REV1: variants seen among roughly 807,000 people sequenced by gnomAD.
The protein encoded by REV1 is REV1 DNA directed polymerase.
In REV1, 42 loss-of-function variants were observed where a neutral mutation model predicts 137.4. The observed-to-expected ratio is 0.31, with a 90% confidence interval of 0.24 to 0.40. The LOEUF (loss-of-function observed/expected upper bound fraction) is 0.40, where lower values mean the gene tolerates loss of function less well. Among genes scored for constraint, REV1 ranks in the 10% least tolerant of loss-of-function variants. The pLI, the probability that REV1 is intolerant of heterozygous loss-of-function variation, is 1.00. For missense variants in REV1, 1,282 were observed against 1,490.1 expected (o/e 0.86, Z 2.30); for synonymous variants, 524 against 519.2 (o/e 1.01, Z -0.12).
intron 8 of REV1, among the ~76,000 whole-genome samples, chr2:99,430,844 A>G (rs1269949015): frequency 6.6e-6 from 1 of 152,208 alleles, no homozygotes. Context: ...AGGTTCCAGG[A>G]AGAGTATGCT....
At chr2:99,455,924 C>T (rs1395906520) in intron 3 of REV1, among the ~76,000 whole-genome samples, 1 of 152,078 alleles carries the variant, frequency 6.6e-6, no homozygotes, top group Non-Finnish European at 1.5e-5. Flanking sequence ...TTCAGCAGTG[C>T]CAAAATCAAA....
chr2:99,476,202 C>T lies in REV1; in HGVS notation c.-10-11217G>A, dbSNP rs1363471578. 6.6e-5 allele frequency among the ~76,000 whole-genome samples: 10 copies of T among 152,272 alleles called. No homozygotes were observed. The South Asian group carries it at 2.1e-3, about 32-fold the overall frequency. Reference sequence around the variant, plus strand: ...TTGCCCTTGGTTCCTGGGAGGTAATCCTTTCTTTTCCCCCCCTTCACATGG... The same window carrying T: ...TTGCCCTTGGTTCCTGGGAGGTAATTCTTTCTTTTCCCCCCCTTCACATGG... On this transcript the variant is annotated intron_variant, in intron 1 of 22. Coordinates refer to ENST00000258428, the MANE Select transcript of REV1 (RefSeq NM_016316.4).
chr2:99,402,831 T>C (rs375844379), intron 20 of REV1, 31 bp from the exon 21 acceptor site: 1 of 1,613,608 alleles, frequency 6.2e-7, no homozygotes, highest in Non-Finnish European at 8.5e-7. Context: ...AAAATTGCTA[T>C]ATTCACACAT....
chr2:99,435,646 A>G, intron 7 of REV1, 188 bp downstream of exon 7: 1 of 405,816 alleles, frequency 2.5e-6, no homozygotes, highest in East Asian at 4.3e-5. Flanking sequence ...TTCCCTGAAG[A>G]TCCCTATAGG....
intron 3 of REV1, among the ~76,000 whole-genome samples, chr2:99,453,066 G>A (rs767680746): frequency 2.0e-5 from 3 of 152,110 alleles, no homozygotes; most frequent in African/African-American, 7.2e-5. Flanking sequence ...CTTGCATATA[G>A]TAAAAATTAT....
chr2:99,404,407 T>C (rs377550196), intron 18 of REV1, 37 bp downstream of exon 18: 190 of 1,564,214 alleles, frequency 1.2e-4, no homozygotes, highest in Middle Eastern at 1.0e-3. Flanking sequence ...GGTGAGAATA[T>C]TGAAACTACA....
intron 1 of REV1, among the ~76,000 whole-genome samples, chr2:99,468,250 C>T (rs1685041072): frequency 6.6e-6 from 1 of 151,882 alleles, no homozygotes; most frequent in South Asian, 2.1e-4. Flanking sequence ...CAGCAGGGAT[C>T]TTCGAAAAAG....
chr2:99,444,707 T>C (rs953643148), intron 4 of REV1, among the ~76,000 whole-genome samples: 1 of 152,168 alleles, frequency 6.6e-6, no homozygotes, highest in African/African-American at 2.4e-5. Context: ...CCACTATCTA[T>C]CAGTTGTATA....
chr2:99,407,998 G>A, intron 15 of REV1, 31 bp downstream of exon 15: 1 of 1,360,170 alleles, frequency 7.4e-7, no homozygotes, highest in Non-Finnish European at 1.0e-6. Flanking sequence ...ATTACACAAA[G>A]TCAGAATTTA....
chr2:99,445,156 CA>C (rs1426655161), intron 4 of REV1, among the ~76,000 whole-genome samples: 2 of 149,870 alleles, frequency 1.3e-5, no homozygotes, highest in South Asian at 4.2e-4. Flanking sequence ...CAAGGAATGG[CA>C]AAAAAAACTC....
chr2:99,428,813 T>C (rs6717515), intron 9 of REV1, among the ~76,000 whole-genome samples: 94,659 of 151,556 alleles, frequency 0.62, 30,459 homozygotes, highest in African/African-American at 0.76. Context: ...CACGGTGAAA[T>C]CCTGCCTCTA....
In REV1 at chr2:99,439,215, A is replaced by G; in HGVS notation, c.599T>C (p.Phe200Ser). The G allele has an allele frequency of 6.2e-7, 1 of 1,614,158 alleles. No homozygotes were observed. Among genetic ancestry groups the G allele is most frequent in the Non-Finnish European group, 8.5e-7 (1 of 1,179,994 alleles). ...CGGAGAGGTCTGCTCCAGATCCACA[A>G]AACTAAAATCATTATTTTCATCTTC... ...NEEDENNDFS[F>S]VDLEQTSPGR... The change falls in exon 6 of 23, where the codon TTT (phenylalanine) becomes TCT (serine). Residue 200 changes from phenylalanine to serine, a missense_variant. By Grantham distance (155) the Phe-to-Ser change is radical. Coordinates refer to ENST00000258428, the MANE Select transcript of REV1 (RefSeq NM_016316.4).
intron 3 of REV1, among the ~76,000 whole-genome samples, chr2:99,459,747 C>T (rs776135347): frequency 6.6e-6 from 1 of 152,012 alleles, no homozygotes; most frequent in Non-Finnish European, 1.5e-5. Context: ...GGATAGAAGG[C>T]AAAGAAGTCA....
rs1252200582 is a variant in REV1, at chr2:99,431,088, G to T, written c.1439-1140C>A. On this transcript the variant is annotated intron_variant, in intron 8 of 22. Coordinates refer to ENST00000258428, the MANE Select transcript of REV1 (RefSeq NM_016316.4). ...ACGTTAATGCACCACCAGGAAAACT[G>T]GCAAAGTCTCTGGCTTCATGGGCTT... is the stretch of plus-strand genomic sequence containing the variant. Among the ~76,000 whole-genome samples, 4 of 152,264 alleles carry T rather than the reference G, an allele frequency of 2.6e-5. No homozygotes were observed. In the East Asian group the frequency reaches 7.7e-4, roughly 29 times the overall value.
At chr2:99,468,114 A>C (rs1469809613) in intron 1 of REV1, among the ~76,000 whole-genome samples, 1 of 151,346 alleles carries the variant, frequency 6.6e-6, no homozygotes. Flanking sequence ...CGGGAGGCGG[A>C]GGTTGCGGTG....
At chr2:99,483,394 T>G (rs1686823271) in intron 1 of REV1, among the ~76,000 whole-genome samples, 1 of 152,164 alleles carries the variant, frequency 6.6e-6, no homozygotes, top group Non-Finnish European at 1.5e-5. Context: ...TTGGGTATGA[T>G]CAGGAATGAC....
chr2:99,444,472 G>C (rs1392080728), intron 4 of REV1, among the ~76,000 whole-genome samples: 1 of 152,148 alleles, frequency 6.6e-6, no homozygotes, highest in South Asian at 2.1e-4. Context: ...CATATACAAG[G>C]GTGTCAGGCC....
rs1372105615 is a variant in REV1, at chr2:99,489,922, G to C, written c.-116C>G. 6.7e-6 allele frequency: 1 copy of C among 149,546 alleles called. No individual in the cohort carries two copies. 9.3% of individuals were successfully genotyped at this position (149,546 alleles called of 1,614,324 possible). A position where few individuals can be genotyped will look rare whatever the true frequency, so the allele number is the denominator to read the frequency against. On this transcript the variant is annotated 5_prime_UTR_variant, in exon 1 of 23. Coordinates refer to ENST00000258428, the MANE Select transcript of REV1 (RefSeq NM_016316.4). ...TGCCCTCGCCAGGGACCAGGGAGGAGGGCCGGGGGAAGGCAGCCCCACCGC... is the reference window on the plus strand; with the variant it reads ...TGCCCTCGCCAGGGACCAGGGAGGACGGCCGGGGGAAGGCAGCCCCACCGC...
chr2:99,413,945 C>CT, intron 12 of REV1, among the ~76,000 whole-genome samples: 1 of 152,062 alleles, frequency 6.6e-6, no homozygotes, highest in East Asian at 1.9e-4. Flanking sequence ...GGCCAACAGT[C>CT]TGAGTTTGAG....
Sources: gnomAD v4.1 joint callset for allele counts (sites outside exome capture counted in the v4.1 genomes callset) on GRCh38, gnomAD v4.1.1 for gene constraint, MANE v1.5 for transcripts, NCBI Gene and HGNC (gene_info 2026-07-23, HGNC 2026-07-21) for gene names.